Variants in PHKB observed in about 807,000 individuals in gnomAD.
PHKB encodes phosphorylase kinase regulatory subunit beta.
In PHKB, 122 loss-of-function variants were observed where a neutral mutation model predicts 152.1. The observed-to-expected ratio is 0.80, with a 90% CI of 0.69 to 0.93. The LOEUF is 0.93. Ranked by LOEUF, PHKB falls within the 40% of genes least tolerant of loss-of-function variation. The pLI, the probability that PHKB is intolerant of heterozygous loss-of-function variation, is 0.00. For synonymous variants in PHKB, 436 were observed against 464.9 expected (o/e 0.94, Z 0.80); for missense variants, 1,304 against 1,328.4 (o/e 0.98, Z 0.29).
At chr16:47,562,951 G>T (rs1971501457) in intron 7 of PHKB, among the ~76,000 whole-genome samples, 1 of 152,108 alleles carries the variant, frequency 6.6e-6, no homozygotes, top group Admixed American at 6.5e-5. Flanking sequence ...TTTACCAGGG[G>T]TAAATTTCAT....
At chr16:47,604,330 A>G (rs1333607593) in intron 13 of PHKB, among the ~76,000 whole-genome samples, 1 of 152,212 alleles carries the variant, frequency 6.6e-6, no homozygotes, top group East Asian at 1.9e-4. Flanking sequence ...TTACACACTC[A>G]GATCTACCAG....
At chr16:47,677,770 A>T (rs1226280951) in intron 26 of PHKB, among the ~76,000 whole-genome samples, 1 of 144,110 alleles carries the variant, frequency 6.9e-6, no homozygotes, top group Non-Finnish European at 1.5e-5. Context: ...AAATCATCTA[A>T]TTTTTTTTTT....
chr16:47,644,225 C>T (rs1973076688), intron 16 of PHKB, among the ~76,000 whole-genome samples: 1 of 152,148 alleles, frequency 6.6e-6, no homozygotes, highest in African/African-American at 2.4e-5. Context: ...GCTATGGTTT[C>T]AGTGCAGCTA....
chr16:47,572,811 G>T (rs554093818), intron 7 of PHKB, among the ~76,000 whole-genome samples: 1 of 152,348 alleles, frequency 6.6e-6, no homozygotes, highest in African/African-American at 2.4e-5. Context: ...CCTGATTGGT[G>T]TGAGTAATAG....
chr16:47,681,717 T>C, intron 26 of PHKB, among the ~76,000 whole-genome samples: 1 of 152,194 alleles, frequency 6.6e-6, no homozygotes, highest in Non-Finnish European at 1.5e-5. Flanking sequence ...GTCTTGACCC[T>C]TTATCCAATT....
chr16:47,698,706 A>G (rs144436973), intron 30 of PHKB, 118 bp downstream of exon 30: 1 of 908,482 alleles, frequency 1.1e-6, no homozygotes, highest in African/African-American at 1.7e-5. Flanking sequence ...CAGGTGCAAA[A>G]TAGGATACTT....
intron 13 of PHKB, among the ~76,000 whole-genome samples, chr16:47,597,602 T>C (rs1972143044): frequency 6.6e-6 from 1 of 151,966 alleles, no homozygotes; most frequent in Admixed American, 6.6e-5. Flanking sequence ...GTGTTGATAT[T>C]ATTTATAGGC....
At chr16:47,530,298 A>G (rs1437789579) in intron 6 of PHKB, among the ~76,000 whole-genome samples, 1 of 152,026 alleles carries the variant, frequency 6.6e-6, no homozygotes, top group Non-Finnish European at 1.5e-5. Context: ...ACCATGCGCA[A>G]CTAATGTTTG....
Position 47,693,443 on chromosome 16 carries a change from G to C in PHKB, c.2831G>C (p.Arg944Pro). 6.2e-7 allele frequency: 1 copy of C among 1,613,948 alleles called. No individual in the cohort carries two copies. The change falls in exon 28 of 31, where the codon CGA becomes CCA. Residue 944 changes from arginine (R) to proline (P), a missense_variant. Transcript: ENST00000323584. ...LNRTPTGFYD[R>P]VWQILERTPN... ...AGAACTCCCACCGGGTTCTATGACC[G>C]AGTGTGGCAGATTCTGGAGCGCACG...
intron 7 of PHKB, among the ~76,000 whole-genome samples, chr16:47,567,962 G>A (rs944909273): frequency 2.0e-5 from 3 of 152,168 alleles, no homozygotes; most frequent in Non-Finnish European, 4.4e-5. Flanking sequence ...GAGGCTTTTT[G>A]CATCTGTATT....
At chr16:47,610,715 C>T in intron 13 of PHKB, 111 bp from the exon 14 acceptor site, 1 of 724,804 alleles carries the variant, frequency 1.4e-6, no homozygotes, top group East Asian at 2.7e-5. Flanking sequence ...TTCATGTACA[C>T]TGAGAAAAAT....
intron 7 of PHKB, chr16:47,565,264 C>T (rs1204894934): frequency 2.1e-5 from 15 of 710,732 alleles, no homozygotes; most frequent in African/African-American, 3.5e-5. Context: ...GGTCTTTGTT[C>T]CCTCTGTCTC....
chr16:47,639,179 T>G (rs2151725408), intron 14 of PHKB, among the ~76,000 whole-genome samples: 1 of 152,098 alleles, frequency 6.6e-6, no homozygotes, highest in Non-Finnish European at 1.5e-5. Flanking sequence ...GAGGCTGAGG[T>G]GGGAGGATCA....
At chr16:47,519,729 A>G (rs1597050985) in intron 6 of PHKB, among the ~76,000 whole-genome samples, 1 of 152,334 alleles carries the variant, frequency 6.6e-6, no homozygotes, top group East Asian at 1.9e-4. Flanking sequence ...TATTCAGTGT[A>G]GGCAGGATTT....
intron 7 of PHKB, among the ~76,000 whole-genome samples, chr16:47,555,413 G>A (rs758649948): frequency 7.2e-5 from 11 of 152,180 alleles, no homozygotes; most frequent in Non-Finnish European, 1.6e-4. Flanking sequence ...CATGGTAGGT[G>A]TGAAATTAAA....
rs1972163325 is a variant in PHKB at position 47,598,506 on chromosome 16, C to T, written c.1363+1975C>T. On this transcript the variant is annotated intron_variant, in intron 13 of 30. Transcript: ENST00000323584. ...AAAATGGATTCACATGACCATATTA[C>T]CATAATCACCAATTTTAACACTCTC... 5.1e-6 allele frequency: 3 copies of T among 582,694 alleles called. No homozygotes were observed. In the African/African-American group the frequency reaches 5.6e-5, roughly 11 times the overall value. The allele number at this position is 582,694 out of a possible 1,614,324, so 36.1% of individuals were successfully genotyped here.
rs986424563 is a variant in PHKB, at chr16:47,700,710, A to T, written c.*1344A>T. ...GAGTTTGAGCCCTTGCCCCAAAGAGAGTTGTTTTTCTGATCAATCTTACTG... is the reference window on the plus strand; with the variant it reads ...GAGTTTGAGCCCTTGCCCCAAAGAGTGTTGTTTTTCTGATCAATCTTACTG... On this transcript the variant is annotated 3_prime_UTR_variant, in exon 31 of 31. Transcript: ENST00000323584. The T allele has an allele frequency of 6.6e-6, 1 of 152,092 alleles. No individual in the cohort carries two copies. The highest frequency in any genetic ancestry group is 2.4e-5 in the African/African-American group (1 of 41,420). 9.4% of individuals were successfully genotyped at this position (152,092 alleles called of 1,614,324 possible).
chr16:47,681,415 G>T (rs1973853067), intron 26 of PHKB, among the ~76,000 whole-genome samples: 1 of 148,544 alleles, frequency 6.7e-6, no homozygotes, highest in African/African-American at 2.4e-5. Flanking sequence ...AAGTCTCTTT[G>T]TAGGTCACTA....
At chr16:47,593,584 A>G in intron 11 of PHKB, 27 bp downstream of exon 11, 1 of 1,298,308 alleles carries the variant, frequency 7.7e-7, no homozygotes, top group Non-Finnish European at 1.1e-6. Context: ...CTGAAATTTA[A>G]GCAAGCTTTT....
Sources: allele counts gnomAD v4.1 joint callset (sites outside exome capture counted in the v4.1 genomes callset), GRCh38; gene constraint gnomAD v4.1.1; transcripts MANE v1.5; gene names NCBI Gene and HGNC (gene_info 2026-07-23, HGNC 2026-07-21).